Variants in ANKRD36C observed in about 807,000 individuals in gnomAD.
ANKRD36C encodes ankyrin repeat domain 36C.
In ANKRD36C, 61 loss-of-function variants were observed where a neutral mutation model predicts 276.4. The observed-to-expected ratio is 0.22, with a 90% CI of 0.18 to 0.27. ANKRD36C has a LOEUF of 0.27. ANKRD36C is among the 10% of genes least tolerant of loss of function. The pLI is 1.00. For synonymous variants in ANKRD36C, 483 were observed against 680.1 expected (o/e 0.71, Z 4.51); for missense variants, 1,447 against 2,032.3 (o/e 0.71, Z 5.54).
chr2:95,981,816 G>T (rs1678928668), intron 4 of ANKRD36C, among the ~76,000 whole-genome samples: 2 of 151,962 alleles, frequency 1.3e-5, no homozygotes, highest in Admixed American at 6.6e-5. Context: ...TCCATTTAAA[G>T]CTATCTTTTC....
At chr2:95,958,326 C>T (rs147734628) in intron 12 of ANKRD36C, among the ~76,000 whole-genome samples, 73 of 152,112 alleles carry the variant, frequency 4.8e-4, no homozygotes, top group African/African-American at 1.6e-3. Context: ...ATTATGCTGT[C>T]CCCTCAGCCT....
chr2:95,908,886 G>A (rs1676829931), intron 42 of ANKRD36C, among the ~76,000 whole-genome samples, 189 bp from the exon 47 acceptor site: 2 of 151,240 alleles, frequency 1.3e-5, no homozygotes, highest in South Asian at 4.2e-4. Flanking sequence ...CAGGCTCCAC[G>A]AAATATAGTC....
At chr2:95,922,584 T>G (rs904749786) in intron 32 of ANKRD36C, among the ~76,000 whole-genome samples, 2 of 151,638 alleles carry the variant, frequency 1.3e-5, no homozygotes, top group Non-Finnish European at 3.0e-5. Flanking sequence ...CTTTTATATT[T>G]GGAAATCACT....
chr2:95,946,025 G>A (rs1558651265), intron 17 of ANKRD36C, among the ~76,000 whole-genome samples: 1 of 152,124 alleles, frequency 6.6e-6, no homozygotes, highest in African/African-American at 2.4e-5. Flanking sequence ...AATTTGTTTT[G>A]TGTAAATACT....
At chr2:95,870,365 G>A (rs1415535496) in intron 59 of ANKRD36C, among the ~76,000 whole-genome samples, 2 of 152,208 alleles carry the variant, frequency 1.3e-5, no homozygotes, top group African/African-American at 4.8e-5. Flanking sequence ...ACGAAAATCT[G>A]CTGTTCTGCA....
intron 42 of ANKRD36C, 57 bp from the exon 45 acceptor site, chr2:95,910,625 T>G: frequency 6.2e-7 from 1 of 1,600,272 alleles, no homozygotes; most frequent in Non-Finnish European, 8.5e-7. Context: ...AAGATATCCA[T>G]ACATTCATGC....
chr2:95,927,914 C>T (rs1291420533), intron 26 of ANKRD36C, among the ~76,000 whole-genome samples: 1 of 151,594 alleles, frequency 6.6e-6, no homozygotes, highest in Non-Finnish European at 1.5e-5. Flanking sequence ...TGGAAGTGTC[C>T]TAAATTGATC....
At chr2:95,960,281 G>A (rs535896382) in intron 10 of ANKRD36C, among the ~76,000 whole-genome samples, 192 bp downstream of exon 10, 31 of 151,930 alleles carry the variant, frequency 2.0e-4, no homozygotes, top group African/African-American at 5.3e-4. Context: ...GAAGTCTATA[G>A]TCTTACTACT....
intron 52 of ANKRD36C, among the ~76,000 whole-genome samples, chr2:95,885,674 C>T (rs1346519983): frequency 1.3e-5 from 2 of 151,896 alleles, no homozygotes; most frequent in African/African-American, 4.8e-5. Flanking sequence ...GATCACTTTT[C>T]CCTCCGTTTA....
chr2:95,921,878 T>C lies in ANKRD36C; in HGVS notation c.2144-68A>G, dbSNP rs1015691701. 11 of 1,494,152 alleles carry C rather than the reference T, an allele frequency of 7.4e-6. No individual in the cohort carries two copies. In the African/African-American group the frequency reaches 9.9e-5, roughly 13 times the overall value. The allele number at this position is 1,494,152 out of a possible 1,614,324, so 92.6% of individuals were successfully genotyped here. On this transcript the variant is annotated intron_variant, in intron 32 of 66. Transcript: ENST00000456556. ...CATTTTCCATACATTCATGCGGTGT[T>C]AGCATCAAGCTGTATCTGCCTGCCT...
exon 63 of ANKRD36C, chr2:95,855,363 C>T (rs747763695): frequency 1.1e-5 from 17 of 1,613,154 alleles, no homozygotes; most frequent in South Asian, 3.3e-5. Context: ...TAGTAAGAGA[C>T]GGTGCTTTCT....
intron 6 of ANKRD36C, among the ~76,000 whole-genome samples, chr2:95,963,954 TATAA>T (rs1558658579): frequency 1.3e-5 from 1 of 75,396 alleles, no homozygotes; most frequent in Non-Finnish European, 2.6e-5. Flanking sequence ...AATATATATA[TATAA>T]ATATATATAT....
chr2:95,943,667 C>T (rs944398885), intron 19 of ANKRD36C, among the ~76,000 whole-genome samples: 3 of 151,582 alleles, frequency 2.0e-5, no homozygotes, highest in African/African-American at 7.3e-5. Context: ...CCAAATATTA[C>T]TTTAAAAAAC....
chr2:95,946,322 G>A (rs1250020410), intron 17 of ANKRD36C, among the ~76,000 whole-genome samples: 2 of 150,516 alleles, frequency 1.3e-5, no homozygotes, highest in Admixed American at 6.6e-5. Context: ...CACCATCACT[G>A]GCCATCAGAG....
chr2:95,981,524 A>G (rs1392644692), intron 4 of ANKRD36C, among the ~76,000 whole-genome samples: 6 of 147,544 alleles, frequency 4.1e-5, no homozygotes, highest in South Asian at 2.1e-4. Context: ...ATATGTGTGT[A>G]TATGTAATAT....
Position 95,982,243 on chromosome 2 carries a change from C to G in ANKRD36C, c.593+13G>C, listed in dbSNP as rs1356837323. The stretch of plus-strand genomic sequence containing the variant: ...AGGTTTAAAAACAACACAATAAGAA[C>G]TAAGGTCTGTACCTGCCAAGATAAT... On this transcript the variant is annotated intron_variant, in intron 4 of 66. Transcript: ENST00000456556. The G allele has an allele frequency of 5.3e-6, 8 of 1,523,070 alleles. No homozygotes were observed. The highest frequency in any genetic ancestry group is 6.2e-6 in the Non-Finnish European group (7 of 1,128,994). 94.3% of individuals were successfully genotyped at this position (1,523,070 alleles called of 1,614,324 possible). A position where few individuals can be genotyped will look rare whatever the true frequency, so the allele number is the denominator to read the frequency against.
chr2:95,953,460 TC>T (rs1678251064), intron 14 of ANKRD36C, among the ~76,000 whole-genome samples: 1 of 152,098 alleles, frequency 6.6e-6, no homozygotes, highest in African/African-American at 2.4e-5. Context: ...CAGTATGATA[TC>T]AAAATATGTG....
chr2:95,860,641 G>C (rs1675552931), intron 60 of ANKRD36C, among the ~76,000 whole-genome samples: 1 of 152,212 alleles, frequency 6.6e-6, no homozygotes, highest in African/African-American at 2.4e-5. Context: ...AAGATGGTAG[G>C]TGATCACTGA....
intron 3 of ANKRD36C, 128 bp from the exon 4 acceptor site, chr2:95,982,490 T>C (rs1678943069): frequency 5.2e-6 from 4 of 773,994 alleles, no homozygotes; most frequent in East Asian, 6.0e-5. Flanking sequence ...AGTCCCTTTC[T>C]TTTCCCTCCT....
Sources: gnomAD v4.1 joint callset for allele counts (sites outside exome capture counted in the v4.1 genomes callset) on GRCh38, gnomAD v4.1.1 for gene constraint, MANE v1.5 for transcripts, NCBI Gene and HGNC (gene_info 2026-07-23, HGNC 2026-07-21) for gene names.